The following NPAS1 variants were observed in gnomAD, a reference collection of about 807,000 sequenced individuals.
The protein encoded by NPAS1 is neuronal PAS domain-containing protein 1.
Under a neutral mutation model 49.2 loss-of-function variants are expected in NPAS1, and 29 were observed. The ratio of observed to expected loss-of-function variants is 0.59; its 90% CI spans 0.44 to 0.80. The LOEUF is 0.80. Among genes scored for constraint, NPAS1 ranks in the 30% least tolerant of loss-of-function variants. The pLI, the probability that NPAS1 is intolerant of heterozygous loss-of-function variation, is 0.00. For missense variants in NPAS1, 825 were observed against 835.5 expected (o/e 0.99, Z 0.15); for synonymous variants, 408 against 380.4 (o/e 1.07, Z -0.84).
chr19:47,026,952 C>T (rs987614290), intron 3 of NPAS1, among the ~76,000 whole-genome samples: 2 of 118,772 alleles, frequency 1.7e-5, no homozygotes, highest in Admixed American at 1.8e-4. Context: ...GATGCCGTCT[C>T]AAAAAAAAAA....
At chr19:47,035,639 T>C (rs2122505398) in intron 5 of NPAS1, among the ~76,000 whole-genome samples, 1 of 152,252 alleles carries the variant, frequency 6.6e-6, no homozygotes, top group South Asian at 2.1e-4. Flanking sequence ...TTGTTTGCTG[T>C]ATGGGGGTGG....
Position 47,042,815 on chromosome 19 carries a change from C to A in NPAS1, c.1223C>A (p.Ala408Asp). ...CGCATCCATCTTCTCCCCAGCCAAG[C>A]CGAGGGTGGCCAAACTCCTTTGGAT... ...VLWVSHVLSQ[A>D]EGGQTPLDAF... The change falls in exon 11 of 12, where the codon GCC becomes GAC. Residue 408 changes from alanine (A) to aspartate (D), a missense_variant. Coordinates refer to ENST00000602212, the MANE Select transcript of NPAS1 (RefSeq NM_002517.4). 6.2e-7 allele frequency: 1 copy of A among 1,603,146 alleles called. No individual in the cohort carries two copies. The highest frequency in any genetic ancestry group is 1.7e-5 in the Admixed American group (1 of 58,794).
At chr19:47,036,511 G>A (rs918698942) in intron 6 of NPAS1, among the ~76,000 whole-genome samples, 1 of 152,140 alleles carries the variant, frequency 6.6e-6, no homozygotes, top group Non-Finnish European at 1.5e-5. Context: ...GAGGCCCAGG[G>A]GGGCGGATCA....
intron 4 of NPAS1, 117 bp from the exon 5 acceptor site, chr19:47,032,526 C>A (rs2056914236): frequency 2.6e-6 from 3 of 1,139,760 alleles, no homozygotes; most frequent in East Asian, 4.7e-5. Flanking sequence ...GCCCCCTCCC[C>A]ACCAAAACAG....
At chr19:47,042,326 CAAAA>C (rs535281881) in intron 10 of NPAS1, among the ~76,000 whole-genome samples, 15 of 152,118 alleles carry the variant, frequency 9.9e-5, no homozygotes, top group South Asian at 8.3e-4. Context: ...AGCAAGCAAA[CAAAA>C]AAACCCTTCT....
intron 5 of NPAS1, 147 bp downstream of exon 5, chr19:47,032,879 C>T: frequency 1.6e-6 from 1 of 636,612 alleles, no homozygotes; most frequent in East Asian, 2.7e-5. Context: ...TCCTTGGCAC[C>T]CCACATGGCA....
At position 47,040,510 on chromosome 19, in the gene NPAS1, C is replaced by T. The variant is rs775023181; in HGVS notation, c.1029C>T (p.His343=). The T allele has an allele frequency of 1.4e-5, 22 of 1,603,520 alleles. No individual in the cohort carries two copies. The Admixed American group carries it at 2.2e-4, about 16-fold the overall frequency. The change falls in exon 9 of 12, where the codon CAC becomes CAT. Residue 343 remains histidine, a synonymous_variant. Coordinates refer to ENST00000602212, the MANE Select transcript of NPAS1 (RefSeq NM_002517.4). ...GCCGCAGCTGCTACCAGTTTGTCCA[C>T]GGACAGGACGCCACGAGGATCCGCC... ...LVGRSCYQFV[H]GQDATRIRQS... is the part of the protein sequence containing the mutation.
intron 6 of NPAS1, 85 bp downstream of exon 6, chr19:47,036,214 T>G: frequency 1.5e-6 from 2 of 1,364,116 alleles, no homozygotes; most frequent in Non-Finnish European, 2.0e-6. Flanking sequence ...GCCGCGTTTA[T>G]ACAAATAGCA....
At chr19:47,043,060 A>G (rs1367666217) in intron 11 of NPAS1, among the ~76,000 whole-genome samples, 156 bp downstream of exon 11, 1 of 152,142 alleles carries the variant, frequency 6.6e-6, no homozygotes, top group Non-Finnish European at 1.5e-5. Flanking sequence ...TAATCCCAGC[A>G]CTTTGGGAGG....
chr19:47,036,896 CAAAA>C (rs1341568628), intron 6 of NPAS1, among the ~76,000 whole-genome samples: 1 of 151,310 alleles, frequency 6.6e-6, no homozygotes, highest in East Asian at 1.9e-4. Context: ...ACAACAACAA[CAAAA>C]GAAAGAAAAA....
chr19:47,032,392 A>G lies in NPAS1; in HGVS notation c.432+41A>G, dbSNP rs931711745. 5 of 1,601,538 alleles carry G rather than the reference A, an allele frequency of 3.1e-6. No individual in the cohort carries two copies. In the African/African-American group the frequency reaches 5.4e-5, roughly 17 times the overall value. ...TCCCTGCCTGCCGCTCCTTGCTACC[A>G]CCTAGCGGCCGCCTCTGGAGAACAG... On this transcript the variant is annotated intron_variant, in intron 4 of 11. Transcript: ENST00000602212.
chr19:47,035,962 AG>A lies in NPAS1; in HGVS notation c.523del. ...CCCTGCATTCCCCTCCTTCGCCGGC[AG>A]GTGGAGATGACGGGCAGCAGCGTCT... On this transcript the variant is annotated splice_acceptor_variant, in intron 5 of 11. Coordinates refer to ENST00000602212, the MANE Select transcript of NPAS1 (RefSeq NM_002517.4). LOFTEE classifies it high-confidence loss of function. The A allele has an allele frequency of 6.6e-7, 1 of 1,517,934 alleles. No homozygotes were observed. The highest frequency in any genetic ancestry group is 1.3e-5 in the South Asian group (1 of 74,954). 94.0% of individuals were successfully genotyped at this position (1,517,934 alleles called of 1,614,324 possible).
At chr19:47,044,839 G>A (rs59650906) in intron 11 of NPAS1, among the ~76,000 whole-genome samples, 2 of 152,084 alleles carry the variant, frequency 1.3e-5, no homozygotes, top group East Asian at 1.9e-4. Flanking sequence ...AGACCAGTCT[G>A]GCCAACATGG....
At chr19:47,039,014 C>A in intron 6 of NPAS1, 22 bp from the exon 7 acceptor site, 1 of 1,607,966 alleles carries the variant, frequency 6.2e-7, no homozygotes, top group Non-Finnish European at 8.5e-7. Flanking sequence ...ACCCCATAAC[C>A]TTCCTTCACT....
chr19:47,026,790 A>T (rs1161990579), intron 3 of NPAS1, among the ~76,000 whole-genome samples: 1 of 150,770 alleles, frequency 6.6e-6, no homozygotes, highest in Non-Finnish European at 1.5e-5. Context: ...CCCCGTCTCA[A>T]CTAAAAATAC....
In NPAS1 at chr19:47,038,289, C is replaced by T. The variant is rs186697666; in HGVS notation, c.689-747C>T. Among the ~76,000 whole-genome samples, 894 of 152,176 alleles carry T rather than the reference C, an allele frequency of 5.9e-3. 10 individuals are homozygous for T. Among genetic ancestry groups the T allele is most frequent in the African/African-American group, 0.02 (811 of 41,512 alleles). On this transcript the variant is annotated intron_variant, in intron 6 of 11. Transcript: ENST00000602212. ...ATCCCAGCACTTTGGGAGGCCGAGG[C>T]GGCCAGATCACGAGGTCAAGAGATT...
rs2056859365 is a variant in NPAS1 at position 47,024,413 on chromosome 19, G to A, written c.358+2566G>A. 1.3e-5 allele frequency among the ~76,000 whole-genome samples: 2 copies of A among 152,144 alleles called. 1 individual carries two copies. Among genetic ancestry groups the A allele is most frequent in the South Asian group, 4.1e-4 (2 of 4,824 alleles). ...CGCCTGTAATCTCAGCTCTCAGGGAGGCAAGAGGCGGGAGGATAGCTTGAG... is the reference window on the plus strand; with the variant it reads ...CGCCTGTAATCTCAGCTCTCAGGGAAGCAAGAGGCGGGAGGATAGCTTGAG... On this transcript the variant is annotated intron_variant, in intron 3 of 11. Transcript: ENST00000602212.
At chr19:47,025,618 C>T (rs2056866736) in intron 3 of NPAS1, among the ~76,000 whole-genome samples, 1 of 152,188 alleles carries the variant, frequency 6.6e-6, no homozygotes, top group South Asian at 2.1e-4. Context: ...CTCTGTCGCC[C>T]AGGCTGGAAT....
At position 47,021,037 on chromosome 19, in the gene NPAS1, G is replaced by GC. The variant is rs761339978; in HGVS notation, c.-5dup. 7 of 1,596,860 alleles carry GC rather than the reference G, an allele frequency of 4.4e-6. No homozygotes were observed. Among genetic ancestry groups the GC allele is most frequent in the Non-Finnish European group, 6.0e-6 (7 of 1,173,944 alleles). On this transcript the variant is annotated 5_prime_UTR_variant, in exon 2 of 12. Transcript: ENST00000602212. The surrounding 1 kb of genome is among the most constrained non-coding windows in gnomAD (Gnocchi z 5.7). ...CGGGGCTCGGAGCCCGCCTGAGCGA[G>GC]CCCCCCGGAGATGGCGGCCCCCTAT... is the stretch of plus-strand genomic sequence containing the variant.
Sources: gnomAD v4.1 joint callset for allele counts (sites outside exome capture counted in the v4.1 genomes callset) on GRCh38, gnomAD v4.1.1 for gene constraint, Gnocchi (gnomAD v3.1) non-coding constraint, MANE v1.5 for transcripts, NCBI Gene and HGNC (gene_info 2026-07-23, HGNC 2026-07-21) for gene names.